Variants in CAMTA1 observed in about 807,000 individuals in gnomAD.
CAMTA1 encodes calmodulin binding transcription activator 1, also known as calmodulin-binding transcription activator 1.
In CAMTA1, 27 loss-of-function variants were observed where a neutral mutation model predicts 170.9. The ratio of observed to expected loss-of-function variants is 0.16; its 90% CI spans 0.12 to 0.22. The LOEUF is 0.22. Among genes scored for constraint, CAMTA1 ranks in the 10% least tolerant of loss-of-function variants. The pLI, the probability that CAMTA1 is intolerant of heterozygous loss-of-function variation, is 1.00. For missense variants in CAMTA1, 1,619 were observed against 2,217.2 expected, an observed-to-expected ratio of 0.73 and a Z score of 5.42; for synonymous variants, 833 against 891.5, an observed-to-expected ratio of 0.93 and a Z score of 1.17.
At chr1:7,075,685 C>T (rs1385062499) in intron 3 of CAMTA1, among the ~76,000 whole-genome samples, 4 of 141,394 alleles carry the variant, frequency 2.8e-5, no homozygotes, top group African/African-American at 7.9e-5. Flanking sequence ...TTTTTTGAGA[C>T]GGAGTCTTGC....
At chr1:6,839,807 G>A (rs1654921757) in intron 3 of CAMTA1, among the ~76,000 whole-genome samples, 1 of 151,576 alleles carries the variant, frequency 6.6e-6, no homozygotes, top group East Asian at 1.9e-4. Context: ...GAGGAAATGT[G>A]AAAAAAAAAG....
intron 5 of CAMTA1, among the ~76,000 whole-genome samples, chr1:7,355,999 C>G (rs1245530176): frequency 6.6e-6 from 1 of 152,244 alleles, no homozygotes; most frequent in African/African-American, 2.4e-5. Context: ...CTGTGCATGA[C>G]TTGGGAACAG....
intron 3 of CAMTA1, among the ~76,000 whole-genome samples, chr1:6,899,182 A>G (rs1050657077): frequency 1.3e-5 from 2 of 152,188 alleles, no homozygotes; most frequent in African/African-American, 4.8e-5. Context: ...CTGCTGTGTG[A>G]TGGCTGAGAG....
At chr1:7,744,730 C>G (rs2096844880) in intron 16 of CAMTA1, 105 bp from the exon 17 acceptor site, 2 of 907,064 alleles carry the variant, frequency 2.2e-6, no homozygotes, top group Admixed American at 2.6e-5. Flanking sequence ...AGTCTGCCCT[C>G]CTGCCTGATT....
At chr1:7,309,808 T>C (rs1373744760) in intron 5 of CAMTA1, among the ~76,000 whole-genome samples, 1 of 152,068 alleles carries the variant, frequency 6.6e-6, no homozygotes, top group African/African-American at 2.4e-5. Flanking sequence ...AAGTGGAACA[T>C]AGCAAGCTTA....
intron 5 of CAMTA1, among the ~76,000 whole-genome samples, chr1:7,371,584 G>C (rs978048103): frequency 8.5e-5 from 13 of 152,162 alleles, no homozygotes; most frequent in Non-Finnish European, 1.6e-4. Context: ...CTATCGCCCT[G>C]TCTGTATTTC....
At chr1:7,704,948 C>A (rs1179786895) in intron 11 of CAMTA1, among the ~76,000 whole-genome samples, 1 of 92,112 alleles carries the variant, frequency 1.1e-5, no homozygotes, top group Admixed American at 1.5e-4. Flanking sequence ...TCGAGGGCGG[C>A]GGCCGGCGGG....
At chr1:7,507,066 C>A (rs1278869787) in intron 6 of CAMTA1, among the ~76,000 whole-genome samples, 2 of 151,974 alleles carry the variant, frequency 1.3e-5, no homozygotes, top group Admixed American at 1.3e-4. Context: ...TTCACACTTG[C>A]TCTCATATTG....
At chr1:6,820,483 G>A (rs1361823051) in intron 2 of CAMTA1, among the ~76,000 whole-genome samples, 1 of 152,128 alleles carries the variant, frequency 6.6e-6, no homozygotes, top group Admixed American at 6.5e-5. Flanking sequence ...TTAATCACAC[G>A]GAGAAATCAA....
chr1:7,045,530 A>G (rs1705238913), intron 3 of CAMTA1, among the ~76,000 whole-genome samples: 1 of 152,170 alleles, frequency 6.6e-6, no homozygotes, highest in South Asian at 2.1e-4. Flanking sequence ...ATATATATCT[A>G]CATTTGAAAG....
At chr1:7,407,673 C>T (rs1233022783) in intron 5 of CAMTA1, among the ~76,000 whole-genome samples, 2 of 152,146 alleles carry the variant, frequency 1.3e-5, no homozygotes, top group Non-Finnish European at 2.9e-5. Context: ...TGAGACAGCG[C>T]GTCTCCGTCC....
At chr1:7,406,224 G>A (rs2090275801) in intron 5 of CAMTA1, among the ~76,000 whole-genome samples, 1 of 152,232 alleles carries the variant, frequency 6.6e-6, no homozygotes. Context: ...CAGAGAGGGG[G>A]CCATGATATG....
intron 6 of CAMTA1, among the ~76,000 whole-genome samples, chr1:7,525,514 T>C (rs756166575): frequency 6.6e-6 from 1 of 152,108 alleles, no homozygotes; most frequent in African/African-American, 2.4e-5. Flanking sequence ...TTATTATCAG[T>C]GTGGCCTCAG....
At chr1:7,103,552 T>C (rs1481502831) in intron 4 of CAMTA1, among the ~76,000 whole-genome samples, 1 of 24,864 alleles carries the variant, frequency 4.0e-5, no homozygotes, top group Non-Finnish European at 7.2e-5. Context: ...ATGTACACAC[T>C]ACACACATAC....
In CAMTA1 at chr1:7,293,995, G is replaced by A. The variant is rs1673551991; in HGVS notation, c.438+44369G>A. On this transcript the variant is annotated intron_variant, in intron 5 of 22. Transcript: ENST00000303635. The surrounding 1 kb of genome is among the most constrained non-coding windows in gnomAD (Gnocchi z 4.1). ...TATCATCGGCAGGCATTTTCCCAGG[G>A]GAAGCACAGTTGTGTCCAAAGCCCA... 6.6e-6 allele frequency among the ~76,000 whole-genome samples: 1 copy of A among 152,200 alleles called. No homozygotes were observed. Among genetic ancestry groups the A allele is most frequent in the South Asian group, 2.1e-4 (1 of 4,824 alleles).
chr1:6,881,721 A>G (rs1014070023), intron 3 of CAMTA1, among the ~76,000 whole-genome samples: 6 of 152,236 alleles, frequency 3.9e-5, no homozygotes, highest in African/African-American at 1.4e-4. Context: ...TAACCCCAGC[A>G]CTTCGGGAGG....
At chr1:7,219,613 T>A (rs1389225055) in intron 4 of CAMTA1, 1 of 142,506 alleles carries the variant, frequency 7.0e-6, no homozygotes, top group African/African-American at 2.6e-5. Flanking sequence ...TCTGTGTTTC[T>A]CCAGAATCCA....
intron 3 of CAMTA1, among the ~76,000 whole-genome samples, chr1:7,062,042 C>G (rs1444565979): frequency 6.6e-6 from 1 of 151,978 alleles, no homozygotes; most frequent in Non-Finnish European, 1.5e-5. Context: ...CTCAGCCTCC[C>G]GAGTAGCTGG....
chr1:7,379,785 C>T (rs899275931), intron 5 of CAMTA1, among the ~76,000 whole-genome samples: 2 of 152,218 alleles, frequency 1.3e-5, no homozygotes, highest in African/African-American at 2.4e-5. Context: ...CTTGGCCTCC[C>T]GATGCCTCTC....
Sources: gnomAD v4.1 joint callset for allele counts (sites outside exome capture counted in the v4.1 genomes callset) on GRCh38, gnomAD v4.1.1 for gene constraint, Gnocchi (gnomAD v3.1) non-coding constraint, MANE v1.5 for transcripts, NCBI Gene and HGNC (gene_info 2026-07-23, HGNC 2026-07-21) for gene names.